Variants in MAPT observed in about 807,000 individuals in gnomAD.
MAPT encodes microtubule associated protein tau.
Under a neutral mutation model 67.9 loss-of-function variants are expected in MAPT, and 34 were observed. That is an observed-to-expected ratio of 0.50 (90% CI 0.38 to 0.67). The LOEUF (loss-of-function observed/expected upper bound fraction) is 0.67, where lower values mean the gene tolerates loss of function less well. MAPT is among the 30% of genes least tolerant of loss of function. The probability of loss-of-function intolerance (pLI) is 0.00; values close to 1 mark genes in which losing one functional copy is unlikely to be tolerated. For missense variants in MAPT, 881 were observed against 1,115.2 expected (o/e 0.79, Z 2.99); for synonymous variants, 456 against 464.5 (o/e 0.98, Z 0.23).
chr17:45,930,047 G>T (rs184333823), intron 1 of MAPT, among the ~76,000 whole-genome samples: 415 of 152,264 alleles, frequency 2.7e-3, no homozygotes, highest in Non-Finnish European at 4.9e-3. Context: ...CTGAGAAGGG[G>T]TGCATAAGCC....
At chr17:46,015,128 C>T (rs183471947) in intron 11 of MAPT, among the ~76,000 whole-genome samples, 1 of 152,236 alleles carries the variant, frequency 6.6e-6, no homozygotes, top group African/African-American at 2.4e-5. Flanking sequence ...TCTGTAATCC[C>T]AGTACTTTGG....
At chr17:45,945,955 C>A (rs1352058925) in intron 1 of MAPT, among the ~76,000 whole-genome samples, 1 of 152,022 alleles carries the variant, frequency 6.6e-6, no homozygotes, top group Non-Finnish European at 1.5e-5. Flanking sequence ...CAAGGTTGTG[C>A]CCTAAGATGT....
chr17:45,971,762 T>C lies in MAPT; in HGVS notation c.134-97T>C, dbSNP rs2071700748. On this transcript the variant is annotated intron_variant, in intron 2 of 12. Coordinates refer to ENST00000262410, the MANE Select transcript of MAPT (RefSeq NM_001377265.1). This position sits in a 1 kb window ranked among gnomAD's most constrained non-coding sequence, Gnocchi z 4.3. ...CAGCTGTTTCCACAGGGAGCGATTT[T>C]CAGCTCCACAGGACACTGCTCCCCA... 5.5e-6 allele frequency: 5 copies of C among 910,146 alleles called. No homozygotes were observed. The South Asian group carries it at 6.7e-5, about 12-fold the overall frequency. 56.4% of individuals were successfully genotyped at this position (910,146 alleles called of 1,614,324 possible).
At chr17:45,941,720 T>TGCC (rs1568208351) in intron 1 of MAPT, among the ~76,000 whole-genome samples, 17 of 131,958 alleles carry the variant, frequency 1.3e-4, no homozygotes, top group Admixed American at 6.3e-4. Context: ...CCTTCCTTCC[T>TGCC]TCCTTCCTTC....
At chr17:46,000,854 C>T (rs2074942355) in intron 9 of MAPT, among the ~76,000 whole-genome samples, 1 of 152,266 alleles carries the variant, frequency 6.6e-6, no homozygotes, top group Admixed American at 6.5e-5. Context: ...CCCACATCCC[C>T]TTTGCCAAGC....
chr17:45,984,445 A>G (rs1189178242), intron 5 of MAPT, among the ~76,000 whole-genome samples: 3 of 152,226 alleles, frequency 2.0e-5, no homozygotes, highest in Non-Finnish European at 2.9e-5. Flanking sequence ...TCTGAAAGAC[A>G]CGCCTGTCCT....
chr17:45,959,357 G>A (rs1396103663), intron 1 of MAPT, among the ~76,000 whole-genome samples: 3 of 152,016 alleles, frequency 2.0e-5, no homozygotes, highest in Non-Finnish European at 2.9e-5. Flanking sequence ...AAATTTTTTG[G>A]CATTTATTTA....
intron 1 of MAPT, among the ~76,000 whole-genome samples, chr17:45,904,173 T>TATA: frequency 3.7e-5 from 1 of 26,746 alleles, no homozygotes; most frequent in South Asian, 1.7e-3. Context: ...TATATATTTA[T>TATA]ATATATAATA....
intron 1 of MAPT, among the ~76,000 whole-genome samples, chr17:45,946,891 G>A (rs1046243391): frequency 5.6e-4 from 85 of 152,116 alleles, no homozygotes; most frequent in African/African-American, 2.0e-3. Context: ...GCAACCATCC[G>A]TGTGCACACA....
chr17:45,947,380 T>C (rs1005695026), intron 1 of MAPT, among the ~76,000 whole-genome samples: 2 of 149,230 alleles, frequency 1.3e-5, no homozygotes. Flanking sequence ...TCTCTTTCTT[T>C]TTCTTTTTTT....
intron 1 of MAPT, among the ~76,000 whole-genome samples, chr17:45,960,023 A>G (rs1175040021): frequency 1.3e-5 from 2 of 152,272 alleles, no homozygotes; most frequent in Non-Finnish European, 2.9e-5. Context: ...AATTGCAACT[A>G]TATTTTTAAT....
chr17:45,920,321 T>C (rs944814223), intron 1 of MAPT, among the ~76,000 whole-genome samples: 1 of 152,210 alleles, frequency 6.6e-6, no homozygotes, highest in African/African-American at 2.4e-5. Context: ...ACAGCTAACA[T>C]GTTCCTGAGT....
intron 1 of MAPT, among the ~76,000 whole-genome samples, chr17:45,909,148 A>T (rs2064557723): frequency 6.6e-6 from 1 of 151,690 alleles, no homozygotes; most frequent in Non-Finnish European, 1.5e-5. Flanking sequence ...CTCTGTCGCC[A>T]TTGGGCAGCC....
At chr17:45,964,814 T>C (rs1477504819) in intron 2 of MAPT, among the ~76,000 whole-genome samples, 1 of 151,918 alleles carries the variant, frequency 6.6e-6, no homozygotes, top group Non-Finnish European at 1.5e-5. Context: ...TCCATCTTTT[T>C]CTTTCTCTGC....
At chr17:45,917,823 G>A (rs931293684) in intron 1 of MAPT, among the ~76,000 whole-genome samples, 30 of 151,718 alleles carry the variant, frequency 2.0e-4, no homozygotes, top group Admixed American at 1.9e-3. Flanking sequence ...ACCCAGGCTG[G>A]AGTGCAGTGG....
rs2143609639 is a variant in MAPT at position 45,896,155 on chromosome 17, C to G, written c.-18+1469C>G. 6.6e-6 allele frequency: 1 copy of G among 152,244 alleles called. No homozygotes were observed. Among genetic ancestry groups the G allele is most frequent in the Admixed American group, 6.5e-5 (1 of 15,292 alleles). The allele number at this position is 152,244 out of a possible 1,614,324, so 9.4% of individuals were successfully genotyped here. ...GGTTCGATGAACTCGAGTCAACCCC[C>G]CGACCCCCGGCACGCATGGAACGGG... is the stretch of plus-strand genomic sequence containing the variant. On this transcript the variant is annotated intron_variant, in intron 1 of 12. Transcript: ENST00000262410. The surrounding 1 kb of genome is among the most constrained non-coding windows in gnomAD (Gnocchi z 5.6).
At chr17:45,940,894 C>G (rs1172269528) in intron 1 of MAPT, among the ~76,000 whole-genome samples, 6 of 152,130 alleles carry the variant, frequency 3.9e-5, no homozygotes, top group African/African-American at 1.4e-4. Flanking sequence ...TCTTTAAAGT[C>G]CTTTCCAAAA....
chr17:45,962,333 C>T lies in MAPT; in HGVS notation c.-5C>T. ...CTTCTTTCCCCAGGTGAACTTTGAA[C>T]CAGGATGGCTGAGCCCCGCCAGGAG... On this transcript the variant is annotated 5_prime_UTR_variant, in exon 2 of 13. Coordinates refer to ENST00000262410, the MANE Select transcript of MAPT (RefSeq NM_001377265.1). The T allele has an allele frequency of 6.2e-7, 1 of 1,611,806 alleles. No homozygotes were observed. Among genetic ancestry groups the T allele is most frequent in the Non-Finnish European group, 8.5e-7 (1 of 1,179,736 alleles).
chr17:46,014,455 G>T, intron 11 of MAPT, 131 bp downstream of exon 11: 1 of 740,166 alleles, frequency 1.4e-6, no homozygotes, highest in Non-Finnish European at 2.4e-6. Context: ...ATCAAGGAAA[G>T]TGTTGAGTGT....
Sources: allele counts gnomAD v4.1 joint callset (sites outside exome capture counted in the v4.1 genomes callset), GRCh38; gene constraint gnomAD v4.1.1; non-coding constraint Gnocchi (gnomAD v3.1); transcripts MANE v1.5; gene names NCBI Gene and HGNC (gene_info 2026-07-23, HGNC 2026-07-21).